The following EXOC4 variants were observed in gnomAD, a reference collection of about 807,000 sequenced individuals.
EXOC4 encodes the protein SEC8-like 1.
A neutral mutation model predicts 107.2 loss-of-function variants in EXOC4; 71 were observed. The ratio of observed to expected loss-of-function variants is 0.66; its 90% CI spans 0.55 to 0.81. The LOEUF (loss-of-function observed/expected upper bound fraction) is 0.81. Ranked by LOEUF, EXOC4 falls within the 30% of genes least tolerant of loss-of-function variation. The probability of loss-of-function intolerance (pLI) is 0.00; values close to 1 mark genes in which losing one functional copy is unlikely to be tolerated. For synonymous variants in EXOC4, 456 were observed against 441.2 expected, an observed-to-expected ratio of 1.03 and a Z score of -0.42; for missense variants, 1,108 against 1,189.6, an observed-to-expected ratio of 0.93 and a Z score of 1.01.
chr7:133,820,545 A>C (rs573547602), intron 11 of EXOC4, among the ~76,000 whole-genome samples: 61 of 152,372 alleles, frequency 4.0e-4, no homozygotes, highest in African/African-American at 1.4e-3. Context: ...TTAGCTGAGA[A>C]TCCAAAACAA....
At chr7:133,492,403 TA>T (rs1799389367) in intron 9 of EXOC4, among the ~76,000 whole-genome samples, 1 of 152,168 alleles carries the variant, frequency 6.6e-6, no homozygotes, top group Non-Finnish European at 1.5e-5. Flanking sequence ...TAGATAGGGG[TA>T]AAGATAGCAT....
intron 12 of EXOC4, among the ~76,000 whole-genome samples, chr7:133,912,668 T>G (rs1479050537): frequency 3.9e-5 from 6 of 152,196 alleles, no homozygotes; most frequent in Non-Finnish European, 7.3e-5. Flanking sequence ...ATACCAGGTA[T>G]TGTGGTAGGC....
At chr7:133,862,499 AAAAG>A (rs1356083290) in intron 11 of EXOC4, among the ~76,000 whole-genome samples, 1 of 152,144 alleles carries the variant, frequency 6.6e-6, no homozygotes, top group Non-Finnish European at 1.5e-5. Flanking sequence ...CGGGGAAAAA[AAAAG>A]AGCCTCATTC....
intron 9 of EXOC4, among the ~76,000 whole-genome samples, chr7:133,535,800 A>G (rs1343876044): frequency 6.6e-6 from 1 of 152,216 alleles, no homozygotes. Context: ...ACACGTTTAA[A>G]TATTTCCAGC....
At chr7:134,089,141 G>A in the EXOC4 span, among the ~76,000 whole-genome samples, 2 of 152,092 alleles carry the variant, frequency 1.3e-5, no homozygotes, top group South Asian at 2.1e-4. Context: ...GAAAAACTGA[G>A]TAATACCCCT....
At chr7:133,362,066 GTTTC>G (rs1796148162) in intron 6 of EXOC4, among the ~76,000 whole-genome samples, 1 of 152,208 alleles carries the variant, frequency 6.6e-6, no homozygotes, top group South Asian at 2.1e-4. Flanking sequence ...TTTTCTGCCA[GTTTC>G]TTTCTCTTTT....
Position 133,466,836 on chromosome 7 carries a change from A to G in EXOC4, c.1183-8492A>G, listed in dbSNP as rs551617725. On this transcript the variant is annotated intron_variant, in intron 7 of 17. Coordinates refer to ENST00000253861, the MANE Select transcript of EXOC4 (RefSeq NM_021807.4). The stretch of plus-strand genomic sequence containing the variant: ...CCATGATTCATTGGGATTTATTTTA[A>G]AAGTCAATGTATTACCATAAAATAA... Among the ~76,000 whole-genome samples the G allele has an allele frequency of 1.4e-3, 219 of 152,288 alleles. 2 individuals carry two copies. The highest frequency in any genetic ancestry group is 4.9e-3 in the African/African-American group (203 of 41,564).
At chr7:134,055,617 C>G (rs944106761) in intron 17 of EXOC4, among the ~76,000 whole-genome samples, 2 of 152,204 alleles carry the variant, frequency 1.3e-5, no homozygotes, top group African/African-American at 4.8e-5. Context: ...ATTACCCATT[C>G]ACTTCACCAT....
intron 9 of EXOC4, among the ~76,000 whole-genome samples, chr7:133,487,527 G>A (rs1799291013): frequency 6.6e-6 from 1 of 152,148 alleles, no homozygotes; most frequent in Non-Finnish European, 1.5e-5. Flanking sequence ...TGACCAATAT[G>A]GTGAAACTCT....
chr7:133,536,670 T>C (rs767407430), intron 9 of EXOC4, among the ~76,000 whole-genome samples: 6 of 151,944 alleles, frequency 3.9e-5, no homozygotes, highest in Non-Finnish European at 8.8e-5. Context: ...ATAATAGTGA[T>C]GTAACAAGAC....
chr7:133,511,113 A>G (rs1378490928), intron 9 of EXOC4, among the ~76,000 whole-genome samples: 3 of 152,094 alleles, frequency 2.0e-5, no homozygotes, highest in South Asian at 2.1e-4. Context: ...ATAATTTTCT[A>G]TTATACCCTC....
chr7:133,821,527 A>G (rs1797520637), intron 11 of EXOC4, among the ~76,000 whole-genome samples: 1 of 152,182 alleles, frequency 6.6e-6, no homozygotes, highest in Non-Finnish European at 1.5e-5. Flanking sequence ...CCAGTAATAA[A>G]AAATTGGGCC....
chr7:133,400,045 A>G (rs947251826), intron 7 of EXOC4, among the ~76,000 whole-genome samples: 15 of 152,186 alleles, frequency 9.9e-5, no homozygotes, highest in African/African-American at 3.6e-4. Context: ...CAGCACTTTT[A>G]TATGCATTTT....
chr7:133,690,504 C>T (rs1430699511), intron 10 of EXOC4, among the ~76,000 whole-genome samples: 2 of 152,154 alleles, frequency 1.3e-5, no homozygotes, highest in Non-Finnish European at 2.9e-5. Context: ...CAGGATCATT[C>T]CTGCTCTAGG....
At chr7:133,652,025 T>G in intron 10 of EXOC4, among the ~76,000 whole-genome samples, 1 of 152,238 alleles carries the variant, frequency 6.6e-6, no homozygotes, top group Non-Finnish European at 1.5e-5. Flanking sequence ...AGATTGATTT[T>G]CATTATTGGC....
At chr7:133,587,894 C>T (rs944441371) in intron 9 of EXOC4, among the ~76,000 whole-genome samples, 1 of 152,210 alleles carries the variant, frequency 6.6e-6, no homozygotes, top group Non-Finnish European at 1.5e-5. Context: ...CCAAACACTA[C>T]ACTTTGATTA....
chr7:133,549,605 A>G (rs1800548841), intron 9 of EXOC4, among the ~76,000 whole-genome samples: 2 of 152,214 alleles, frequency 1.3e-5, no homozygotes, highest in South Asian at 4.1e-4. Context: ...AGAATTATCA[A>G]AATGTGATAC....
At chr7:133,277,221 A>G (rs954466813) in intron 2 of EXOC4, among the ~76,000 whole-genome samples, 3 of 152,232 alleles carry the variant, frequency 2.0e-5, no homozygotes, top group African/African-American at 7.2e-5. Context: ...AGTTAAAGTT[A>G]TAGATCACTT....
chr7:134,095,282 A>C, the EXOC4 span, among the ~76,000 whole-genome samples: 1 of 152,176 alleles, frequency 6.6e-6, no homozygotes, highest in Non-Finnish European at 1.5e-5. Flanking sequence ...AGATCTCTAC[A>C]AGGAGAACTA....
Sources: allele counts gnomAD v4.1 joint callset (sites outside exome capture counted in the v4.1 genomes callset), GRCh38; gene constraint gnomAD v4.1.1; transcripts MANE v1.5; gene names NCBI Gene and HGNC (gene_info 2026-07-23, HGNC 2026-07-21).